The following MAML2 variants were observed in gnomAD, a reference collection of about 807,000 sequenced individuals.
The protein encoded by MAML2 is mastermind like transcriptional coactivator 2.
In MAML2, 22 loss-of-function variants were observed where a neutral mutation model predicts 96.1. The observed-to-expected ratio is 0.23, with a 90% CI of 0.16 to 0.33. The LOEUF is 0.33. Among genes scored for constraint, MAML2 ranks in the 10% least tolerant of loss-of-function variants. MAML2 has a pLI of 1.00. For missense variants in MAML2, 1,367 were observed against 1,392.4 expected (o/e 0.98, Z 0.29); for synonymous variants, 561 against 521.3 (o/e 1.08, Z -1.04).
At position 96,077,219 on chromosome 11, in the gene MAML2, C is replaced by T. The variant is rs367563890; in HGVS notation, c.2139+14673G>A. On this transcript the variant is annotated intron_variant, in intron 2 of 4. Transcript: ENST00000524717. The stretch of plus-strand genomic sequence containing the variant: ...GACTTTTTACCCCAACTCTCTCTCT[C>T]TTTTTTTTTTTTTTTTTTTTAAAGA... Among the ~76,000 whole-genome samples the T allele has an allele frequency of 8.0e-3, 753 of 94,124 alleles. 10 individuals are homozygous for T. The highest frequency in any genetic ancestry group is 0.076 in the East Asian group (284 of 3,716). 61.7% of individuals were successfully genotyped at this position (94,124 alleles called of 152,430 possible). A position where few individuals can be genotyped will look rare whatever the true frequency, so the allele number is the denominator to read the frequency against.
At chr11:96,062,054 G>T (rs1859169130) in intron 2 of MAML2, among the ~76,000 whole-genome samples, 1 of 152,076 alleles carries the variant, frequency 6.6e-6, no homozygotes, top group African/African-American at 2.4e-5. Context: ...AAAAAATGAT[G>T]ATTTTAATCA....
chr11:96,159,332 G>A (rs1262181), intron 1 of MAML2, among the ~76,000 whole-genome samples: 58,493 of 150,636 alleles, frequency 0.39, 11,926 homozygotes, highest in East Asian at 0.73. Flanking sequence ...TTTCCAGGCG[G>A]ATTTGTTGTC....
intron 2 of MAML2, among the ~76,000 whole-genome samples, chr11:96,074,528 T>C (rs894865120): frequency 3.3e-5 from 5 of 152,248 alleles, no homozygotes; most frequent in African/African-American, 1.2e-4. Context: ...GAGAGGTTAA[T>C]ATGGAGGAAA....
At chr11:96,242,504 A>T (rs1862450276) in intron 1 of MAML2, among the ~76,000 whole-genome samples, 1 of 152,320 alleles carries the variant, frequency 6.6e-6, no homozygotes, top group South Asian at 2.1e-4. Context: ...TTTTCATCAT[A>T]AAAGGGGGAA....
chr11:96,161,348 T>C (rs1245349578), intron 1 of MAML2, among the ~76,000 whole-genome samples: 2 of 152,212 alleles, frequency 1.3e-5, no homozygotes, highest in Non-Finnish European at 2.9e-5. Flanking sequence ...TATTTGTATG[T>C]CTATTACCTC....
chr11:96,159,731 C>CG (rs1221103612), intron 1 of MAML2, among the ~76,000 whole-genome samples: 1 of 152,142 alleles, frequency 6.6e-6, no homozygotes, highest in Non-Finnish European at 1.5e-5. Context: ...GCCTAAACCA[C>CG]TGATTCTTAA....
chr11:96,008,801 A>G (rs1858226542), intron 2 of MAML2, among the ~76,000 whole-genome samples: 1 of 152,198 alleles, frequency 6.6e-6, no homozygotes, highest in Admixed American at 6.5e-5. Context: ...AACGGAGTCA[A>G]CTAGCTGTTT....
intron 2 of MAML2, among the ~76,000 whole-genome samples, chr11:96,089,574 G>A (rs1291151707): frequency 2.0e-5 from 3 of 152,186 alleles, no homozygotes; most frequent in Admixed American, 1.3e-4. Flanking sequence ...TTCTATAGCT[G>A]TATTGAACAA....
chr11:96,160,396 C>T (rs552564894), intron 1 of MAML2, among the ~76,000 whole-genome samples: 1 of 151,560 alleles, frequency 6.6e-6, no homozygotes, highest in South Asian at 2.1e-4. Flanking sequence ...TGGCCTTTAG[C>T]AAATAGGTTG....
At chr11:96,282,916 TA>T in intron 1 of MAML2, among the ~76,000 whole-genome samples, 1 of 152,346 alleles carries the variant, frequency 6.6e-6, no homozygotes, top group South Asian at 2.1e-4. Context: ...CTTCCACTTA[TA>T]TTTTCCTTTA....
intron 1 of MAML2, among the ~76,000 whole-genome samples, chr11:96,275,269 A>ATTTTTTTTTTTTTTTTTTTTT (rs56407815): frequency 8.9e-6 from 1 of 111,740 alleles, no homozygotes; most frequent in Non-Finnish European, 1.7e-5. Flanking sequence ...ACACTAAGGA[A>ATTTTTTTTTTTTTTTTTTTTT]TTTTTTTTTT....
At chr11:96,017,233 A>G (rs1858368183) in intron 2 of MAML2, among the ~76,000 whole-genome samples, 1 of 152,202 alleles carries the variant, frequency 6.6e-6, no homozygotes, top group South Asian at 2.1e-4. Context: ...TAGTTAGTAA[A>G]TGGCGAATCT....
In MAML2 at chr11:96,209,844, C is replaced by A. The variant is rs1450859462; in HGVS notation, c.514-116327G>T. Among the ~76,000 whole-genome samples the A allele has an allele frequency of 8.5e-5, 13 of 152,264 alleles. No homozygotes were observed. In the East Asian group the frequency reaches 2.5e-3, roughly 29 times the overall value. The stretch of plus-strand genomic sequence containing the variant: ...AGAAATACAGTTTAATTTCTTATAT[C>A]AAGCAATAGACCTCAATATCTCCCA... On this transcript the variant is annotated intron_variant, in intron 1 of 4. Transcript: ENST00000524717.
At chr11:96,177,957 T>TGTGTGTGTGTGTG (rs1565238928) in intron 1 of MAML2, among the ~76,000 whole-genome samples, 2 of 149,862 alleles carry the variant, frequency 1.3e-5, no homozygotes, top group African/African-American at 4.9e-5. Flanking sequence ...TGTGTGTGTG[T>TGTGTGTGTGTGTG]TTAAATAAGA....
rs147981873 is a variant in MAML2 at position 96,304,365 on chromosome 11, T to G, written c.513+37018A>C. On this transcript the variant is annotated intron_variant, in intron 1 of 4. Coordinates refer to ENST00000524717, the MANE Select transcript of MAML2 (RefSeq NM_032427.4). ...GAATTTGGGGTGCCATTTAAAGATTTTAAGTGGAGACTTGAGACAAAAAGA... is the reference window on the plus strand; with the variant it reads ...GAATTTGGGGTGCCATTTAAAGATTGTAAGTGGAGACTTGAGACAAAAAGA... 1.8e-3 allele frequency among the ~76,000 whole-genome samples: 274 copies of G among 152,356 alleles called. 1 individual carries two copies. The highest frequency in any genetic ancestry group is 3.0e-3 in the Non-Finnish European group (205 of 68,032).
intron 2 of MAML2, among the ~76,000 whole-genome samples, chr11:96,020,058 G>A (rs1169786263): frequency 6.6e-6 from 1 of 152,136 alleles, no homozygotes; most frequent in Non-Finnish European, 1.5e-5. Context: ...CAATGTTGGA[G>A]GTGCCAGTCA....
chr11:96,130,908 T>C (rs990172003), intron 1 of MAML2, among the ~76,000 whole-genome samples: 55 of 152,190 alleles, frequency 3.6e-4, no homozygotes, highest in African/African-American at 1.3e-3. Flanking sequence ...TCTTTTTCTA[T>C]GTTAGAAATA....
At chr11:96,064,275 G>C (rs1022986217) in intron 2 of MAML2, among the ~76,000 whole-genome samples, 1 of 152,208 alleles carries the variant, frequency 6.6e-6, no homozygotes, top group African/African-American at 2.4e-5. Context: ...TTCCTGGGCA[G>C]ATGGATGGAA....
chr11:96,088,997 T>C (rs1240999988), intron 2 of MAML2, among the ~76,000 whole-genome samples: 1 of 151,912 alleles, frequency 6.6e-6, no homozygotes, highest in Non-Finnish European at 1.5e-5. Context: ...GCTAAAGAGC[T>C]TCAAGTAACA....
Sources: allele counts gnomAD v4.1 joint callset (sites outside exome capture counted in the v4.1 genomes callset), GRCh38; gene constraint gnomAD v4.1.1; transcripts MANE v1.5; gene names NCBI Gene and HGNC (gene_info 2026-07-23, HGNC 2026-07-21).